DHRS3: variants seen among roughly 807,000 people sequenced by gnomAD.
The protein encoded by DHRS3 is dehydrogenase/reductase 3.
In DHRS3, 14 loss-of-function variants were observed where a neutral mutation model predicts 27.2. The observed-to-expected ratio is 0.52, with a 90% CI of 0.34 to 0.81. The LOEUF is 0.81. Among genes scored for constraint, DHRS3 ranks in the 30% least tolerant of loss-of-function variants. The pLI, the probability that DHRS3 is intolerant of heterozygous loss-of-function variation, is 0.01. For missense variants in DHRS3, 322 were observed against 406.2 expected, an observed-to-expected ratio of 0.79 and a Z score of 1.78; for synonymous variants, 165 against 175.9, an observed-to-expected ratio of 0.94 and a Z score of 0.49.
intron 1 of DHRS3, chr1:12,616,626 C>A: frequency 5.1e-6 from 5 of 989,530 alleles, no homozygotes; most frequent in Non-Finnish European, 6.0e-6. Flanking sequence ...CAGACTACTG[C>A]ATACAAGACC....
In DHRS3 at chr1:12,594,120, A is replaced by T. The variant is rs1180784425; in HGVS notation, c.196-13454T>A. Among the ~76,000 whole-genome samples the T allele has an allele frequency of 1.3e-5, 2 of 152,056 alleles. No homozygotes were observed. The highest frequency in any genetic ancestry group is 4.8e-5 in the African/African-American group (2 of 41,394). ...AGGAGGGAGGAGCCAGCATCTACAG[A>T]CCACCCTTCCCTCACAGCACACATC... is the stretch of plus-strand genomic sequence containing the variant. On this transcript the variant is annotated intron_variant, in intron 1 of 5. Coordinates refer to ENST00000616661, the MANE Select transcript of DHRS3 (RefSeq NM_004753.7). This position sits in a 1 kb window ranked among gnomAD's most constrained non-coding sequence, Gnocchi z 4.1.
Position 12,585,213 on chromosome 1 carries a change from C to CTCTGTGTGTCTCTGTGAGTGTGTG in DHRS3, c.196-4548_196-4547insCACACACTCACAGAGACACACAGA, listed in dbSNP as rs1224152381. 1.5e-4 allele frequency among the ~76,000 whole-genome samples: 21 copies of CTCTGTGTGTCTCTGTGAGTGTGTG among 135,526 alleles called. 2 individuals are homozygous for CTCTGTGTGTCTCTGTGAGTGTGTG. The highest frequency in any genetic ancestry group is 8.8e-4 in the East Asian group (3 of 3,418). 88.9% of individuals were successfully genotyped at this position (135,526 alleles called of 152,430 possible). A position where few individuals can be genotyped will look rare whatever the true frequency, so the allele number is the denominator to read the frequency against. On this transcript the variant is annotated intron_variant, in intron 1 of 5. Coordinates refer to ENST00000616661, the MANE Select transcript of DHRS3 (RefSeq NM_004753.7). ...TCTGTGTGTGTGTGTGTCTGTGTAT[C>CTCTGTGTGTCTCTGTGAGTGTGTG]TCTGTGTGTGTGTGTCTATGTGAGT...
chr1:12,601,603 C>T (rs945577295), intron 1 of DHRS3, among the ~76,000 whole-genome samples: 2 of 152,118 alleles, frequency 1.3e-5, no homozygotes, highest in East Asian at 1.9e-4. Context: ...GAGCCCCCAT[C>T]GGGAAAGCTG....
Position 12,617,520 on chromosome 1 carries a change from GA to G in DHRS3, c.-173del, listed in dbSNP as rs58614555. On this transcript the variant is annotated 5_prime_UTR_variant, in exon 1 of 6. Transcript: ENST00000616661. ...AATGCAAAGCACCGGGTGAGAAAAA[GA>G]AAAAAAAAAAAAAAAAAAAGATAAA... 2,884 of 131,380 alleles carry G rather than the reference GA, an allele frequency of 0.022. 6 individuals carry two copies. Among genetic ancestry groups the G allele is most frequent in the East Asian group, 0.054 (380 of 7,040 alleles). 8.1% of individuals were successfully genotyped at this position (131,380 alleles called of 1,614,324 possible).
rs368643564 is a variant in DHRS3, at chr1:12,578,837, C to T, written c.579G>A (p.Ala193=). The T allele has an allele frequency of 2.0e-5, 33 of 1,613,896 alleles. No homozygotes were observed. In the Middle Eastern group the frequency reaches 6.6e-4, roughly 32 times the overall value. ...GGCTCTCCATGAAGGCGAAGGCTGACGCTTTGGATGTGCAGTAGTCGATGG... is the reference window on the plus strand; with the variant it reads ...GGCTCTCCATGAAGGCGAAGGCTGATGCTTTGGATGTGCAGTAGTCGATGG... ...PGAIDYCTSK[A]SAFAFMESLT... The change falls in exon 4 of 6, where the codon GCG becomes GCA. Residue 193 remains alanine, a synonymous_variant. Transcript: ENST00000616661. This position sits in a 1 kb window ranked among gnomAD's most constrained non-coding sequence, Gnocchi z 4.5.
intron 1 of DHRS3, among the ~76,000 whole-genome samples, chr1:12,603,816 G>A (rs1238070686): frequency 1.3e-5 from 2 of 152,162 alleles, no homozygotes; most frequent in African/African-American, 2.4e-5. Context: ...GGGGCCCAGT[G>A]GCCTTCACCA....
At chr1:12,616,613 G>C (rs1458636920) in intron 1 of DHRS3, 3 of 986,844 alleles carry the variant, frequency 3.0e-6, no homozygotes, top group African/African-American at 3.5e-5. Context: ...GTGTCGGTCC[G>C]GCCAGACTAC....
chr1:12,579,034 C>T, intron 3 of DHRS3, 78 bp from the exon 4 acceptor site: 1 of 1,370,012 alleles, frequency 7.3e-7, no homozygotes, highest in Non-Finnish European at 1.0e-6. Flanking sequence ...GGAGAACAGC[C>T]CACCCCGGAC....
Position 12,586,279 on chromosome 1 carries a change from G to C in DHRS3, c.196-5613C>G, listed in dbSNP as rs947705493. ...TAACTCACCCCACGCCACCCACTGT[G>C]AAACAGGATTTGAACCCAGAGCCTT... On this transcript the variant is annotated intron_variant, in intron 1 of 5. Coordinates refer to ENST00000616661, the MANE Select transcript of DHRS3 (RefSeq NM_004753.7). The surrounding 1 kb of genome is among the most constrained non-coding windows in gnomAD (Gnocchi z 5.0). Among the ~76,000 whole-genome samples the C allele has an allele frequency of 6.6e-6, 1 of 152,228 alleles. No individual in the cohort carries two copies. The highest frequency in any genetic ancestry group is 1.5e-5 in the Non-Finnish European group (1 of 68,040).
chr1:12,601,081 C>T (rs1245474513), intron 1 of DHRS3, among the ~76,000 whole-genome samples: 1 of 152,076 alleles, frequency 6.6e-6, no homozygotes, highest in Non-Finnish European at 1.5e-5. Flanking sequence ...AGGCCTGGCT[C>T]TCCTGGCTGT....
intron 1 of DHRS3, among the ~76,000 whole-genome samples, chr1:12,581,686 T>C (rs971944248): frequency 6.6e-6 from 1 of 152,220 alleles, no homozygotes; most frequent in Non-Finnish European, 1.5e-5. Context: ...ACGACGCACC[T>C]CCCCACGATG....
At chr1:12,600,981 G>A (rs2100708028) in intron 1 of DHRS3, among the ~76,000 whole-genome samples, 1 of 151,472 alleles carries the variant, frequency 6.6e-6, no homozygotes, top group South Asian at 2.1e-4. Context: ...GGGGAGATGG[G>A]TGGGGGGTTG....
At chr1:12,616,718 G>A in intron 1 of DHRS3, 1 of 1,009,702 alleles carries the variant, frequency 9.9e-7, no homozygotes, top group Non-Finnish European at 1.2e-6. Context: ...GCTGGGTAGC[G>A]GGTTGCCAAG....
chr1:12,582,994 C>G (rs1646657798), intron 1 of DHRS3, among the ~76,000 whole-genome samples: 1 of 149,322 alleles, frequency 6.7e-6, no homozygotes, highest in African/African-American at 2.5e-5. Context: ...CTATCCATCC[C>G]TCACCTACCC....
chr1:12,580,276 C>T, intron 2 of DHRS3: 1 of 535,854 alleles, frequency 1.9e-6, no homozygotes, highest in Non-Finnish European at 3.4e-6. Context: ...CGCCACAGTC[C>T]TGGAGAGAAA....
At chr1:12,571,583 T>C (rs2100641977) in intron 5 of DHRS3, among the ~76,000 whole-genome samples, 1 of 144,402 alleles carries the variant, frequency 6.9e-6, no homozygotes, top group East Asian at 2.0e-4. Context: ...CAGGCTGGAG[T>C]GCGGTGGTGC....
In DHRS3 at chr1:12,592,766, C is replaced by T. The variant is rs557111992; in HGVS notation, c.196-12100G>A. 1.2e-4 allele frequency among the ~76,000 whole-genome samples: 18 copies of T among 152,328 alleles called. No individual in the cohort carries two copies. In the East Asian group the frequency reaches 1.3e-3, roughly 11 times the overall value. ...CAAGCGAGGCCCAGCCCCAGGCTCC[C>T]GAGGCTGGGAAGTGACGGAGGCTGC... On this transcript the variant is annotated intron_variant, in intron 1 of 5. Coordinates refer to ENST00000616661, the MANE Select transcript of DHRS3 (RefSeq NM_004753.7). This position sits in a 1 kb window ranked among gnomAD's most constrained non-coding sequence, Gnocchi z 4.2.
rs77761538 is a variant in DHRS3, at chr1:12,585,805, T to G, written c.196-5139A>C. ...CCAAGGCCATCATGAGCATGAGGACTGGGCGGGCGGAGGCGGGCGTCTGAG... is the reference window on the plus strand; with the variant it reads ...CCAAGGCCATCATGAGCATGAGGACGGGGCGGGCGGAGGCGGGCGTCTGAG... On this transcript the variant is annotated intron_variant, in intron 1 of 5. Coordinates refer to ENST00000616661, the MANE Select transcript of DHRS3 (RefSeq NM_004753.7). 9.2e-5 allele frequency among the ~76,000 whole-genome samples: 14 copies of G among 152,278 alleles called. No individual in the cohort carries two copies. The East Asian group carries it at 2.7e-3, about 29-fold the overall frequency.
chr1:12,597,822 T>G lies in DHRS3; in HGVS notation c.196-17156A>C, dbSNP rs1451202305. ...TTCGCAGGGTCCCTGGTTCAAAAAT[T>G]GTAAAGAATTGCAAGATGGTGACAG... On this transcript the variant is annotated intron_variant, in intron 1 of 5. Transcript: ENST00000616661. Among the ~76,000 whole-genome samples the G allele has an allele frequency of 2.6e-5, 4 of 152,120 alleles. No individual in the cohort carries two copies. The East Asian group carries it at 7.7e-4, about 29-fold the overall frequency.
Sources: allele counts gnomAD v4.1 joint callset (sites outside exome capture counted in the v4.1 genomes callset), GRCh38; gene constraint gnomAD v4.1.1; non-coding constraint Gnocchi (gnomAD v3.1); transcripts MANE v1.5; gene names NCBI Gene and HGNC (gene_info 2026-07-23, HGNC 2026-07-21).